The following RTN1 variants were observed in gnomAD, a reference collection of about 807,000 sequenced individuals.
RTN1 encodes reticulon-1.
A neutral mutation model predicts 65.5 loss-of-function variants in RTN1; 25 were observed. That is an observed-to-expected ratio of 0.38 (90% CI 0.28 to 0.53). The LOEUF (loss-of-function observed/expected upper bound fraction) is 0.53. Among genes scored for constraint, RTN1 ranks in the 20% least tolerant of loss-of-function variants. The pLI, the probability that RTN1 is intolerant of heterozygous loss-of-function variation, is 0.79. For synonymous variants in RTN1, 471 were observed against 447.6 expected (o/e 1.05, Z -0.66); for missense variants, 983 against 1,025.4 (o/e 0.96, Z 0.57).
Position 59,782,469 on chromosome 14 carries a change from G to T in RTN1, c.242-35988C>A, listed in dbSNP as rs574676637. Reference sequence around the variant, plus strand: ...AGTTGAAAAGTTTAAATAACTTTCTGCCAATTTAGATAGTGCACTTTTCCC... The same window carrying T: ...AGTTGAAAAGTTTAAATAACTTTCTTCCAATTTAGATAGTGCACTTTTCCC... On this transcript the variant is annotated intron_variant, in intron 1 of 8. Transcript: ENST00000267484. Among the ~76,000 whole-genome samples, 6 of 152,262 alleles carry T rather than the reference G, an allele frequency of 3.9e-5. No homozygotes were observed. The South Asian group carries it at 1.2e-3, about 32-fold the overall frequency.
intron 3 of RTN1, among the ~76,000 whole-genome samples, chr14:59,648,422 T>C (rs1431822582): frequency 4.6e-5 from 7 of 152,168 alleles, no homozygotes; most frequent in Non-Finnish European, 1.0e-4. Flanking sequence ...GAGAAGGGAC[T>C]CCTCCCCAAC....
rs1177672372 is a variant in RTN1 at position 59,727,181 on chromosome 14, C to G, written c.1503G>C (p.Glu501Asp). 1 of 1,588,554 alleles carries G rather than the reference C, an allele frequency of 6.3e-7. No homozygotes were observed. The highest frequency in any genetic ancestry group is 8.6e-7 in the Non-Finnish European group (1 of 1,167,498). Residue 501 changes from glutamate (E) to aspartate (D), a missense_variant, in exon 3 of 9, where the codon GAG becomes GAC. This residue lies in a region of RTN1 where 818 missense variants were observed against 801.8 expected (regional missense o/e 1.02). Coordinates refer to ENST00000267484, the MANE Select transcript of RTN1 (RefSeq NM_021136.3). This position sits in a 1 kb window ranked among gnomAD's most constrained non-coding sequence, Gnocchi z 4.2. Reference protein sequence around the residue: ...KPSALDAIREETGVRAEERAP... With the variant: ...KPSALDAIREDTGVRAEERAP... ...CACGCTCCTCGGCCCGGACGCCAGT[C>G]TCCTCCCGGATGGCATCCAGGGCGC...
intron 2 of RTN1, among the ~76,000 whole-genome samples, chr14:59,741,970 G>C (rs1214548846): frequency 6.6e-6 from 1 of 152,086 alleles, no homozygotes; most frequent in Non-Finnish European, 1.5e-5. Context: ...TTTATTTATG[G>C]GTTTGTTTTT....
At chr14:59,831,830 C>T (rs1375861230) in intron 1 of RTN1, among the ~76,000 whole-genome samples, 1 of 151,998 alleles carries the variant, frequency 6.6e-6, no homozygotes, top group Non-Finnish European at 1.5e-5. Context: ...AGCTGACACT[C>T]TGCCTTGTTC....
intron 1 of RTN1, among the ~76,000 whole-genome samples, chr14:59,806,003 T>C (rs1488951045): frequency 6.6e-6 from 1 of 152,046 alleles, no homozygotes; most frequent in Non-Finnish European, 1.5e-5. Flanking sequence ...TTTGGGAGGC[T>C]GAGGTGGGCG....
In RTN1 at chr14:59,727,081, C is replaced by T. The variant is rs780738582; in HGVS notation, c.1603G>A (p.Glu535Lys). The T allele has an allele frequency of 5.6e-6, 9 of 1,611,708 alleles. No homozygotes were observed. Among genetic ancestry groups the T allele is most frequent in the East Asian group, 2.2e-5 (1 of 44,764 alleles). The change falls in exon 3 of 9, where the codon GAG becomes AAG. Residue 535 changes from glutamate to lysine, a missense_variant. Physicochemically the swap from Glu to Lys is moderately conservative, Grantham distance 56 (BLOSUM62 1). Transcript: ENST00000267484. This position sits in a 1 kb window ranked among gnomAD's most constrained non-coding sequence, Gnocchi z 4.2. ...AGGGCTCCGTCTCCAGGGGGCAGCT[C>T]GGGGCCAGGCTGGGGCTCAGTTGAG... ...YPSTEPQPGP[E>K]LPPGDGALEP... is the part of the protein sequence containing the mutation.
At chr14:59,838,330 A>C (rs572122467) in intron 1 of RTN1, among the ~76,000 whole-genome samples, 2 of 152,332 alleles carry the variant, frequency 1.3e-5, no homozygotes, top group South Asian at 2.1e-4. Flanking sequence ...AGCCTGAAGA[A>C]CATTCACATC....
chr14:59,651,571 C>T (rs768124219), intron 3 of RTN1, among the ~76,000 whole-genome samples: 5 of 152,032 alleles, frequency 3.3e-5, no homozygotes, highest in Non-Finnish European at 5.9e-5. Context: ...AACCCTGTCT[C>T]TACTAAAAAT....
chr14:59,854,634 C>G (rs147621115), intron 1 of RTN1, among the ~76,000 whole-genome samples: 1,162 of 82,800 alleles, frequency 0.014, 28 homozygotes, highest in African/African-American at 0.049. Flanking sequence ...AGCAAGACTG[C>G]GTCTCAAAAA....
In RTN1 at chr14:59,864,336, T is replaced by G. The variant is rs1334372713; in HGVS notation, c.241+6054A>C. On this transcript the variant is annotated intron_variant, in intron 1 of 8. Coordinates refer to ENST00000267484, the MANE Select transcript of RTN1 (RefSeq NM_021136.3). ...GGGCCTTTGCAAAGGAAATTCCCTC[T>G]GCCCAAAATGTTCTTCTCTCAGACA... 9.2e-5 allele frequency among the ~76,000 whole-genome samples: 14 copies of G among 152,322 alleles called. No individual in the cohort carries two copies. In the East Asian group the frequency reaches 2.7e-3, roughly 29 times the overall value.
At chr14:59,661,051 G>A (rs1380863920) in intron 3 of RTN1, among the ~76,000 whole-genome samples, 1 of 151,482 alleles carries the variant, frequency 6.6e-6, no homozygotes, top group Non-Finnish European at 1.5e-5. Context: ...AATGATAAAG[G>A]GTAGGTCACC....
At chr14:59,750,846 C>T (rs1334843522) in intron 1 of RTN1, among the ~76,000 whole-genome samples, 16 of 145,208 alleles carry the variant, frequency 1.1e-4, no homozygotes, top group Non-Finnish European at 1.8e-4. Context: ...CCCAAGTAAC[C>T]GGGACTACAG....
At position 59,746,003 on chromosome 14, in the gene RTN1, G is replaced by A. The variant is rs770052003; in HGVS notation, c.720C>T (p.Asp240=). The A allele has an allele frequency of 6.2e-7, 1 of 1,614,174 alleles. No individual in the cohort carries two copies. Among genetic ancestry groups the A allele is most frequent in the East Asian group, 2.2e-5 (1 of 44,874 alleles). Reference sequence around the variant, plus strand: ...TTTTTCCCTCCACAGGAGCTGGTTTGTCAGGTTCACGGACTCCTTCAGGTT... The same window carrying A: ...TTTTTCCCTCCACAGGAGCTGGTTTATCAGGTTCACGGACTCCTTCAGGTT... The part of the protein sequence containing the change: ...SIKPEGVREP[D]KPAPVEGKII... Residue 240 remains aspartate, a synonymous_variant, in exon 2 of 9, where the codon GAC becomes GAT. Transcript: ENST00000267484.
At chr14:59,848,724 A>T (rs1285973502) in intron 1 of RTN1, among the ~76,000 whole-genome samples, 2 of 152,214 alleles carry the variant, frequency 1.3e-5, no homozygotes, top group South Asian at 4.1e-4. Context: ...AAAGAAAAAA[A>T]TACACCACTA....
rs148545015 is a variant in RTN1 at position 59,745,630 on chromosome 14, A to G, written c.1015+78T>C. The G allele has an allele frequency of 1.1e-4, 143 of 1,262,252 alleles. No individual in the cohort carries two copies. In the East Asian group the frequency reaches 3.1e-3, roughly 27 times the overall value. The allele number at this position is 1,262,252 out of a possible 1,614,324, so 78.2% of individuals were successfully genotyped here. On this transcript the variant is annotated intron_variant, in intron 2 of 8. Transcript: ENST00000267484. ...TAAAGTATGTTGAATGAAAATTGTC[A>G]TTCCTTAATATTTGTTTTAGGGATT...
chr14:59,679,815 T>A (rs771996243), intron 3 of RTN1, among the ~76,000 whole-genome samples: 1 of 152,196 alleles, frequency 6.6e-6, no homozygotes, highest in Non-Finnish European at 1.5e-5. Flanking sequence ...CAGACTTGCA[T>A]ATAATTTTCC....
intron 3 of RTN1, among the ~76,000 whole-genome samples, chr14:59,701,942 A>C (rs1211633474): frequency 1.3e-5 from 2 of 152,158 alleles, no homozygotes; most frequent in African/African-American, 4.8e-5. Context: ...ACTTACCCTA[A>C]CTGTAAAATT....
At chr14:59,862,753 C>T (rs998845920) in intron 1 of RTN1, among the ~76,000 whole-genome samples, 5 of 152,174 alleles carry the variant, frequency 3.3e-5, no homozygotes, top group African/African-American at 9.7e-5. Context: ...ATTGGTCTCA[C>T]TTTAAGCTCT....
intron 1 of RTN1, among the ~76,000 whole-genome samples, chr14:59,777,492 CCTT>C (rs1157099845): frequency 6.6e-6 from 1 of 152,074 alleles, no homozygotes; most frequent in Non-Finnish European, 1.5e-5. Context: ...ACTGCTGGCC[CCTT>C]CTTCCCTTTG....
Sources: allele counts gnomAD v4.1 joint callset (sites outside exome capture counted in the v4.1 genomes callset), GRCh38; gene constraint gnomAD v4.1.1; regional missense constraint gnomAD v4.1.1; non-coding constraint Gnocchi (gnomAD v3.1); transcripts MANE v1.5; gene names NCBI Gene and HGNC (gene_info 2026-07-23, HGNC 2026-07-21).